ITIH1: variants seen among roughly 807,000 people sequenced by gnomAD.
ITIH1 encodes inter-alpha-trypsin inhibitor heavy chain H1.
Under a neutral mutation model 104.6 loss-of-function variants are expected in ITIH1, and 94 were observed. That is an observed-to-expected ratio of 0.90 (90% CI 0.76 to 1.07). The LOEUF (loss-of-function observed/expected upper bound fraction) is 1.07. ITIH1 is among the 50% of genes least tolerant of loss of function. ITIH1 has a pLI of 0.00. For synonymous variants in ITIH1, 455 were observed against 464.4 expected (o/e 0.98, Z 0.26); for missense variants, 1,193 against 1,181.4 (o/e 1.01, Z -0.14).
intron 10 of ITIH1, among the ~76,000 whole-genome samples, chr3:52,783,852 G>T (rs957619907): frequency 6.6e-6 from 1 of 151,958 alleles, no homozygotes; most frequent in Non-Finnish European, 1.5e-5. Context: ...CCTGGAGGAG[G>T]TGACTCCTGA....
chr3:52,778,939 C>A lies in ITIH1; in HGVS notation c.306-3C>A. 6.2e-7 allele frequency: 1 copy of A among 1,604,908 alleles called. No homozygotes were observed. Among genetic ancestry groups the A allele is most frequent in the South Asian group, 1.1e-5 (1 of 90,880 alleles). ...TCCTGAGGGTGTCCTTCCCTCCCTGCAGTACAGCAGATGGAAACGCATTTA... is the reference window on the plus strand; with the variant it reads ...TCCTGAGGGTGTCCTTCCCTCCCTGAAGTACAGCAGATGGAAACGCATTTA... On this transcript the variant is annotated splice_polypyrimidine_tract_variant and splice_region_variant and intron_variant, in intron 3 of 21. Coordinates refer to ENST00000273283, the MANE Select transcript of ITIH1 (RefSeq NM_002215.4).
At position 52,787,626 on chromosome 3, in the gene ITIH1, A is replaced by G. The variant is rs1371615253; in HGVS notation, c.1924+14A>G. 1.2e-6 allele frequency: 2 copies of G among 1,613,990 alleles called. No homozygotes were observed. The highest frequency in any genetic ancestry group is 1.7e-6 in the Non-Finnish European group (2 of 1,179,838). The stretch of plus-strand genomic sequence containing the variant: ...GACCCAGAAGGAGTAAGTGGCAGCC[A>G]TCCTGGCCATTCACATCTCTACCCC... On this transcript the variant is annotated intron_variant, in intron 16 of 21. Coordinates refer to ENST00000273283, the MANE Select transcript of ITIH1 (RefSeq NM_002215.4).
chr3:52,779,729 G>C lies in ITIH1; in HGVS notation c.573+135G>C. 9.1e-7 allele frequency: 1 copy of C among 1,100,132 alleles called. No individual in the cohort carries two copies. 68.1% of individuals were successfully genotyped at this position (1,100,132 alleles called of 1,614,324 possible). ...GATGGGGACTAACCCCTCAGGGTGA[G>C]CTCTGATGTGCTCTTCTTGGGCAGG... On this transcript the variant is annotated intron_variant, in intron 5 of 21. Transcript: ENST00000273283. The surrounding 1 kb of genome is among the most constrained non-coding windows in gnomAD (Gnocchi z 4.4).
At chr3:52,777,797 A>G (rs1373989572) in intron 1 of ITIH1, 65 bp downstream of exon 1, 2 of 1,454,160 alleles carry the variant, frequency 1.4e-6, no homozygotes, top group African/African-American at 1.4e-5. Flanking sequence ...CGGGCGGGAC[A>G]CAAGACCCCC....
intron 10 of ITIH1, 81 bp from the exon 11 acceptor site, chr3:52,784,215 G>A: frequency 1.6e-6 from 2 of 1,264,802 alleles, no homozygotes; most frequent in Non-Finnish European, 2.2e-6. Context: ...TTGAGCCCCA[G>A]GGAGTGTTCC....
intron 3 of ITIH1, 178 bp downstream of exon 3, chr3:52,778,684 A>G (rs141755462): frequency 2.8e-6 from 4 of 1,442,798 alleles, no homozygotes; most frequent in Non-Finnish European, 3.6e-6. Flanking sequence ...CTTGGCTCCC[A>G]TCTTGGAGGC....
chr3:52,783,243 G>A lies in ITIH1; in HGVS notation c.1129G>A (p.Gly377Arg), dbSNP rs1243327285. 6.2e-7 allele frequency: 1 copy of A among 1,614,104 alleles called. No homozygotes were observed. Among genetic ancestry groups the A allele is most frequent in the Non-Finnish European group, 8.5e-7 (1 of 1,180,016 alleles). ...AAACCTGAATGGAGGTTTGCTCCGG[G>A]GAATTGAGATCTTGAACCAAGTTCA... ...ATNLNGGLLR[G>R]IEILNQVQES... The change falls in exon 10 of 22, where the codon GGA (glycine) becomes AGA (arginine). Residue 377 changes from glycine (G) to arginine (R), a missense_variant. Physicochemically the swap from Gly to Arg is moderately radical, Grantham distance 125. Transcript: ENST00000273283.
In ITIH1 at chr3:52,784,328, G is replaced by A. The variant is rs556183211; in HGVS notation, c.1258G>A (p.Val420Ile). 4.9e-5 allele frequency: 79 copies of A among 1,614,022 alleles called. 1 individual carries two copies. In the East Asian group the frequency reaches 6.5e-4, roughly 13 times the overall value. Residue 420 changes from valine to isoleucine, a missense_variant, in exon 11 of 22, where the codon GTC (valine) becomes ATC (isoleucine). Transcript: ENST00000273283. The part of the protein sequence containing the change: ...VTDRSQILKN[V>I]RNAIRGRFPL... Reference sequence around the variant, plus strand: ...GGACCGTTCCCAAATCCTCAAGAACGTCCGCAACGCCATCCGGGGCAGGTT... The same window carrying A: ...GGACCGTTCCCAAATCCTCAAGAACATCCGCAACGCCATCCGGGGCAGGTT...
Position 52,785,037 on chromosome 3 carries a change from C to A in ITIH1, c.1408-7C>A. The A allele has an allele frequency of 6.2e-7, 1 of 1,613,722 alleles. No individual in the cohort carries two copies. On this transcript the variant is annotated splice_polypyrimidine_tract_variant and splice_region_variant and intron_variant, in intron 11 of 21. Transcript: ENST00000273283. Reference sequence around the variant, plus strand: ...CAGCTCTAAGGCTGCAACCTCTATCCCTGCAGGGTTTCTACAGCCAGGTAG... The same window carrying A: ...CAGCTCTAAGGCTGCAACCTCTATCACTGCAGGGTTTCTACAGCCAGGTAG...
chr3:52,789,873 G>T lies in ITIH1; in HGVS notation c.2321+19G>T. ...AGGACGGGTAACCTGCCAGGGCCTG[G>T]GCAAGATGCAGGGGGAGGTGTGGCC... is the stretch of plus-strand genomic sequence containing the variant. On this transcript the variant is annotated intron_variant, in intron 19 of 21. Coordinates refer to ENST00000273283, the MANE Select transcript of ITIH1 (RefSeq NM_002215.4). 1 of 1,612,576 alleles carries T rather than the reference G, an allele frequency of 6.2e-7. No individual in the cohort carries two copies. Among genetic ancestry groups the T allele is most frequent in the Non-Finnish European group, 8.5e-7 (1 of 1,179,234 alleles).
chr3:52,784,625 C>T (rs1297733978), intron 11 of ITIH1, 148 bp downstream of exon 11: 1 of 851,088 alleles, frequency 1.2e-6, no homozygotes, highest in Non-Finnish European at 1.8e-6. Flanking sequence ...TGGCTCAAGC[C>T]TGTAATCCCA....
At position 52,787,580 on chromosome 3, in the gene ITIH1, T is replaced by C. The variant is rs769135720; in HGVS notation, c.1904-12T>C. 6.2e-7 allele frequency: 1 copy of C among 1,614,170 alleles called. No individual in the cohort carries two copies. The highest frequency in any genetic ancestry group is 8.5e-7 in the Non-Finnish European group (1 of 1,179,998). On this transcript the variant is annotated splice_polypyrimidine_tract_variant and intron_variant, in intron 15 of 21. Coordinates refer to ENST00000273283, the MANE Select transcript of ITIH1 (RefSeq NM_002215.4). ...GACACTGTCTTCGATAATATGTCCTTGTCTTCTACAGAGATGCTGGGACCC... is the reference window on the plus strand; with the variant it reads ...GACACTGTCTTCGATAATATGTCCTCGTCTTCTACAGAGATGCTGGGACCC...
intron 11 of ITIH1, 52 bp from the exon 12 acceptor site, chr3:52,784,992 C>T: frequency 6.4e-7 from 1 of 1,574,706 alleles, no homozygotes; most frequent in Non-Finnish European, 8.7e-7. Flanking sequence ...GCAGGCTTCC[C>T]ATTAGGAGCC....
chr3:52,781,898 G>T, intron 6 of ITIH1, 42 bp from the exon 7 acceptor site: 3 of 1,608,894 alleles, frequency 1.9e-6, no homozygotes, highest in Non-Finnish European at 2.5e-6. Context: ...CTTGTTTGTG[G>T]TTACACAGAC....
Position 52,785,226 on chromosome 3 carries a change from T to C in ITIH1, c.1590T>C (p.His530=), listed in dbSNP as rs777284712. The C allele has an allele frequency of 3.1e-6, 5 of 1,613,792 alleles. No homozygotes were observed. Among genetic ancestry groups the C allele is most frequent in the Non-Finnish European group, 2.5e-6 (3 of 1,179,790 alleles). Residue 530 remains histidine, a synonymous_variant, in exon 12 of 22, where the codon CAT becomes CAC. Coordinates refer to ENST00000273283, the MANE Select transcript of ITIH1 (RefSeq NM_002215.4). ...GCTTCAAGGCTGATGTGCAGGCCCA[T>C]GGGGTAAATGGTGGGCCATGGAGGG... is the stretch of plus-strand genomic sequence containing the variant. The part of the protein sequence containing the change: ...QSSFKADVQA[H]GEGQEFSITC...
At chr3:52,778,081 A>C in intron 2 of ITIH1, 64 bp downstream of exon 2, 3 of 1,561,662 alleles carry the variant, frequency 1.9e-6, no homozygotes, top group Non-Finnish European at 2.6e-6. Flanking sequence ...GCTTTCCCCA[A>C]CCTGTCAGGG....
intron 10 of ITIH1, 21 bp downstream of exon 10, chr3:52,783,360 C>T: frequency 1.2e-6 from 2 of 1,611,860 alleles, no homozygotes; most frequent in Non-Finnish European, 1.7e-6. Context: ...TGGGGGCTGC[C>T]TTGGGAGGTA....
In ITIH1 at chr3:52,779,522, G is replaced by A. The variant is rs754959438; in HGVS notation, c.501G>A (p.Val167=). The A allele has an allele frequency of 1.4e-5, 23 of 1,614,218 alleles. No individual in the cohort carries two copies. In the East Asian group the frequency reaches 4.7e-4, roughly 33 times the overall value. The change falls in exon 5 of 22, where the codon GTG becomes GTA. Residue 167 remains valine, a synonymous_variant. Coordinates refer to ENST00000273283, the MANE Select transcript of ITIH1 (RefSeq NM_002215.4). This position sits in a 1 kb window ranked among gnomAD's most constrained non-coding sequence, Gnocchi z 4.4. ...KVTFQLTYEE[V]LKRNHMQYEI... ...CGTTTCAGCTGACTTATGAGGAAGT[G>A]CTGAAGAGAAACCATATGCAGTATG...
Position 52,783,033 on chromosome 3 carries a change from G to A in ITIH1, c.1007G>A (p.Arg336Gln), listed in dbSNP as rs761961599. 8.1e-6 allele frequency: 13 copies of A among 1,613,954 alleles called. No individual in the cohort carries two copies. The highest frequency in any genetic ancestry group is 2.2e-5 in the East Asian group (1 of 44,882). ...DYFDLVLFGT[R>Q]VQSWKGSLVQ... is the part of the protein sequence containing the mutation. ...TTTGACCTGGTTCTTTTTGGGACTCGAGTACAATCGTGGAAGGGCTCGCTG... is the reference window on the plus strand; with the variant it reads ...TTTGACCTGGTTCTTTTTGGGACTCAAGTACAATCGTGGAAGGGCTCGCTG... Residue 336 changes from arginine to glutamine, a missense_variant, in exon 9 of 22, where the codon CGA (arginine) becomes CAA (glutamine). Arg to Gln is a conservative substitution (Grantham distance 43). Transcript: ENST00000273283.
Sources: gnomAD v4.1 joint callset for allele counts (sites outside exome capture counted in the v4.1 genomes callset) on GRCh38, gnomAD v4.1.1 for gene constraint, Gnocchi (gnomAD v3.1) non-coding constraint, MANE v1.5 for transcripts, NCBI Gene and HGNC (gene_info 2026-07-23, HGNC 2026-07-21) for gene names.